The following FOXN2 variants were observed in gnomAD, a reference collection of about 807,000 sequenced individuals.
FOXN2 encodes the protein forkhead box protein N2.
In FOXN2, 19 loss-of-function variants were observed where a neutral mutation model predicts 41.2. The ratio of observed to expected loss-of-function variants is 0.46; its 90% CI spans 0.32 to 0.68. The LOEUF (loss-of-function observed/expected upper bound fraction) is 0.68, where lower values mean the gene tolerates loss of function less well. Among genes scored for constraint, FOXN2 ranks in the 30% least tolerant of loss-of-function variants. FOXN2 has a pLI of 0.03. For missense variants in FOXN2, 587 were observed against 509.4 expected (o/e 1.15, Z -1.47); for synonymous variants, 195 against 176.8 (o/e 1.10, Z -0.82).
In FOXN2 at chr2:48,359,155, T is replaced by C. The variant is rs1672001459; in HGVS notation, c.638+8T>C. On this transcript the variant is annotated splice_region_variant and intron_variant, in intron 4 of 6. Transcript: ENST00000340553. ...TTCAGCATCTTCACAAAAGTAAGGA[T>C]CTTCCATATAACTGTCAGTGGTGAT... The C allele has an allele frequency of 6.3e-7, 1 of 1,599,712 alleles. No individual in the cohort carries two copies. The highest frequency in any genetic ancestry group is 2.2e-5 in the East Asian group (1 of 44,746).
chr2:48,368,324 C>A (rs1672661242), intron 5 of FOXN2, among the ~76,000 whole-genome samples: 1 of 152,126 alleles, frequency 6.6e-6, no homozygotes, highest in African/African-American at 2.4e-5. Context: ...TGAAAAAATA[C>A]CATTATGAAG....
chr2:48,352,846 G>A (rs558606476), intron 3 of FOXN2, among the ~76,000 whole-genome samples: 10 of 152,246 alleles, frequency 6.6e-5, no homozygotes, highest in Non-Finnish European at 1.3e-4. Flanking sequence ...GGTCTAGAAA[G>A]CCTGTCAAAG....
intron 1 of FOXN2, among the ~76,000 whole-genome samples, chr2:48,320,333 C>T (rs1355675797): frequency 6.6e-6 from 1 of 151,650 alleles, no homozygotes; most frequent in East Asian, 1.9e-4. Flanking sequence ...CTCTGTCGCC[C>T]ATGTTGGAGT....
upstream of FOXN2, chr2:48,314,661 T>A (rs947867614): frequency 6.6e-6 from 1 of 152,658 alleles, no homozygotes; most frequent in African/African-American, 2.4e-5. Context: ...GGGAGGGGGA[T>A]GTGGTGCTGC....
At chr2:48,358,946 G>A (rs1294055809) in intron 3 of FOXN2, 101 bp from the exon 4 acceptor site, 1 of 818,688 alleles carries the variant, frequency 1.2e-6, no homozygotes, top group Non-Finnish European at 1.9e-6. Context: ...ATACTCAAAA[G>A]GTGCTAGAGA....
Position 48,346,340 on chromosome 2 carries a change from G to T in FOXN2, c.126G>T (p.Pro42=). 2 of 1,614,188 alleles carry T rather than the reference G, an allele frequency of 1.2e-6. No individual in the cohort carries two copies. Among genetic ancestry groups the T allele is most frequent in the Non-Finnish European group, 8.5e-7 (1 of 1,180,016 alleles). ...CTGAAGCTGTTGATGCTGCCAGGCC[G>T]AAGGCCACTCTAGTGGACAGTGAGT... is the stretch of plus-strand genomic sequence containing the variant. ...SLPEAVDAAR[P]KATLVDSESA... Residue 42 remains proline, a synonymous_variant, in exon 3 of 7, where the codon CCG becomes CCT. Transcript: ENST00000340553.
intron 2 of FOXN2, among the ~76,000 whole-genome samples, chr2:48,331,949 C>T (rs1046549329): frequency 6.6e-6 from 1 of 151,664 alleles, no homozygotes; most frequent in African/African-American, 2.4e-5. Flanking sequence ...CTGAAATTAA[C>T]CGTGTTATTT....
intron 3 of FOXN2, among the ~76,000 whole-genome samples, chr2:48,349,456 T>A (rs1671314506): frequency 2.0e-5 from 3 of 151,984 alleles, no homozygotes. Flanking sequence ...CCAGTCTGGA[T>A]GACAAAGTGA....
At position 48,319,666 on chromosome 2, in the gene FOXN2, G is replaced by A. The variant is rs139919740; in HGVS notation, c.-157+4852G>A. On this transcript the variant is annotated intron_variant, in intron 1 of 6. Coordinates refer to ENST00000340553, the MANE Select transcript of FOXN2 (RefSeq NM_002158.4). ...TCACACTCAACCCTGCTGGAGTGCAGTGGTAACAATCACAGTGCACTGCAA... is the reference window on the plus strand; with the variant it reads ...TCACACTCAACCCTGCTGGAGTGCAATGGTAACAATCACAGTGCACTGCAA... Among the ~76,000 whole-genome samples, 386 of 147,988 alleles carry A rather than the reference G, an allele frequency of 2.6e-3. 1 individual carries two copies. Among genetic ancestry groups the A allele is most frequent in the African/African-American group, 8.6e-3 (344 of 40,138 alleles).
intron 5 of FOXN2, among the ~76,000 whole-genome samples, chr2:48,365,648 A>C (rs1170512768): frequency 6.6e-6 from 1 of 152,148 alleles, no homozygotes; most frequent in East Asian, 1.9e-4. Flanking sequence ...CGTATTATGC[A>C]TCATCTGTCT....
In FOXN2 at chr2:48,317,595, C is replaced by CTTTTTTTTT. The variant is rs574980247; in HGVS notation, c.-157+2803_-157+2811dup. Among the ~76,000 whole-genome samples the CTTTTTTTTT allele has an allele frequency of 8.3e-3, 287 of 34,754 alleles. 96 individuals carry two copies. Among genetic ancestry groups the CTTTTTTTTT allele is most frequent in the Non-Finnish European group, 0.013 (234 of 17,482 alleles). 22.8% of individuals were successfully genotyped at this position (34,754 alleles called of 152,430 possible). A position where few individuals can be genotyped will look rare whatever the true frequency, so the allele number is the denominator to read the frequency against. ...ACAATGCCTATAGCCTATAGTATTG[C>CTTTTTTTTT]TTTTTTTTTTTTTTTTTTTTTTTTT... On this transcript the variant is annotated intron_variant, in intron 1 of 6. Coordinates refer to ENST00000340553, the MANE Select transcript of FOXN2 (RefSeq NM_002158.4).
intron 3 of FOXN2, among the ~76,000 whole-genome samples, chr2:48,357,878 A>G (rs916131244): frequency 9.4e-5 from 14 of 149,366 alleles, no homozygotes; most frequent in South Asian, 2.1e-4. Context: ...AAAAAAAAAA[A>G]AAAGAAAATG....
At chr2:48,349,950 A>G (rs952568264) in intron 3 of FOXN2, among the ~76,000 whole-genome samples, 1 of 152,240 alleles carries the variant, frequency 6.6e-6, no homozygotes, top group East Asian at 1.9e-4. Flanking sequence ...AATCCCTGAC[A>G]TTCCCAGAAG....
At chr2:48,328,537 C>T (rs1318724763) in intron 1 of FOXN2, 24 bp from the exon 2 acceptor site, 1 of 151,846 alleles carries the variant, frequency 6.6e-6, no homozygotes, top group African/African-American at 2.4e-5. Context: ...CCTTTTTTTC[C>T]CCCCAAATAT....
intron 4 of FOXN2, among the ~76,000 whole-genome samples, chr2:48,362,392 C>T (rs564124316): frequency 6.6e-6 from 1 of 151,988 alleles, no homozygotes; most frequent in Non-Finnish European, 1.5e-5. Flanking sequence ...ATGGTAAAAC[C>T]CTTTCTCTAC....
intron 6 of FOXN2, 148 bp downstream of exon 6, chr2:48,373,508 T>G (rs1469304431): frequency 7.7e-6 from 4 of 520,746 alleles, no homozygotes; most frequent in Non-Finnish European, 1.3e-5. Flanking sequence ...TTTATTATAC[T>G]TTCATTAATT....
intron 1 of FOXN2, among the ~76,000 whole-genome samples, chr2:48,315,809 A>G (rs1239832013): frequency 3.3e-5 from 5 of 152,182 alleles, no homozygotes; most frequent in African/African-American, 9.7e-5. Flanking sequence ...ACACTCTCGC[A>G]GTGTTCTTGC....
At chr2:48,372,122 A>G (rs1470529048) in intron 5 of FOXN2, among the ~76,000 whole-genome samples, 1 of 152,170 alleles carries the variant, frequency 6.6e-6, no homozygotes, top group Non-Finnish European at 1.5e-5. Context: ...CTTAGGGGAA[A>G]CGCTTTCAGC....
chr2:48,338,869 T>G (rs1670546997), intron 2 of FOXN2, among the ~76,000 whole-genome samples: 1 of 152,110 alleles, frequency 6.6e-6, no homozygotes, highest in Non-Finnish European at 1.5e-5. Context: ...AATTCTACCA[T>G]ATGAAAGTAA....
Sources: gnomAD v4.1 joint callset for allele counts (sites outside exome capture counted in the v4.1 genomes callset) on GRCh38, gnomAD v4.1.1 for gene constraint, MANE v1.5 for transcripts, NCBI Gene and HGNC (gene_info 2026-07-23, HGNC 2026-07-21) for gene names.